RNFT2: variants seen among roughly 807,000 people sequenced by gnomAD.
RNFT2 encodes the protein ring finger protein, transmembrane 2.
In RNFT2, 36 loss-of-function variants were observed where a neutral mutation model predicts 53.0. That is an observed-to-expected ratio of 0.68 (90% confidence interval 0.52 to 0.90). The LOEUF (loss-of-function observed/expected upper bound fraction) is 0.90, where lower values mean the gene tolerates loss of function less well. Ranked by LOEUF, RNFT2 falls within the 40% of genes least tolerant of loss-of-function variation. The pLI is 0.00. For synonymous variants in RNFT2, 260 were observed against 253.2 expected (o/e 1.03, Z -0.26); for missense variants, 514 against 585.6 (o/e 0.88, Z 1.26).
chr12:116,766,775 T>G (rs376208903), intron 5 of RNFT2, 39 bp from the exon 6 acceptor site: 53 of 1,474,290 alleles, frequency 3.6e-5, no homozygotes, highest in African/African-American at 8.3e-5. Context: ...TTCTGCCACA[T>G]GCACCTTTGA....
intron 7 of RNFT2, among the ~76,000 whole-genome samples, chr12:116,780,328 G>C (rs1022649040): frequency 6.6e-6 from 1 of 152,166 alleles, no homozygotes; most frequent in Non-Finnish European, 1.5e-5. Flanking sequence ...GAATGAAACT[G>C]TTCCACTTCA....
chr12:116,751,945 G>A (rs919799829), intron 4 of RNFT2, among the ~76,000 whole-genome samples: 4 of 150,860 alleles, frequency 2.7e-5, no homozygotes, highest in Non-Finnish European at 5.9e-5. Context: ...ACCACACCCG[G>A]CTTACTTATT....
chr12:116,806,738 C>T (rs1333947171), intron 7 of RNFT2, among the ~76,000 whole-genome samples: 5 of 147,086 alleles, frequency 3.4e-5, no homozygotes, highest in Admixed American at 1.3e-4. Flanking sequence ...TACAAGAGAC[C>T]CTCTCTCAAA....
chr12:116,829,067 G>T (rs1320898110), intron 7 of RNFT2, among the ~76,000 whole-genome samples: 2 of 152,132 alleles, frequency 1.3e-5, no homozygotes, highest in African/African-American at 4.8e-5. Flanking sequence ...TTAGTCCAGG[G>T]TAAGATGGAA....
At chr12:116,780,670 C>CAAAAA (rs534092869) in intron 7 of RNFT2, among the ~76,000 whole-genome samples, 1 of 100,174 alleles carries the variant, frequency 1.0e-5, no homozygotes, top group African/African-American at 3.1e-5. Context: ...GGCATAAAGA[C>CAAAAA]AAAAAAAAAA....
intron 5 of RNFT2, among the ~76,000 whole-genome samples, chr12:116,761,205 G>A (rs1872681003): frequency 6.6e-6 from 1 of 152,158 alleles, no homozygotes; most frequent in African/African-American, 2.4e-5. Flanking sequence ...CTGGAGTGCA[G>A]TGGCATGATC....
chr12:116,802,449 G>C (rs2137153113), intron 7 of RNFT2, among the ~76,000 whole-genome samples: 1 of 152,274 alleles, frequency 6.6e-6, no homozygotes, highest in African/African-American at 2.4e-5. Flanking sequence ...TACTGTGGCA[G>C]AGTTGAGGAA....
At chr12:116,830,373 G>C (rs993545859) in intron 7 of RNFT2, among the ~76,000 whole-genome samples, 1 of 151,986 alleles carries the variant, frequency 6.6e-6, no homozygotes, top group Non-Finnish European at 1.5e-5. Flanking sequence ...CTGCAGCCTC[G>C]AACTTCTGGG....
chr12:116,740,719 T>C, intron 2 of RNFT2, 198 bp downstream of exon 2: 1 of 646,444 alleles, frequency 1.5e-6, no homozygotes, highest in South Asian at 1.8e-5. Flanking sequence ...CTCCTGCCAG[T>C]CCGCTGCCCA....
rs767006824 is a variant in RNFT2 at position 116,852,679 on chromosome 12, G to T, written c.*3231G>T. 1 of 1,614,040 alleles carries T rather than the reference G, an allele frequency of 6.2e-7. No individual in the cohort carries two copies. Among genetic ancestry groups the T allele is most frequent in the Admixed American group, 1.7e-5 (1 of 60,024 alleles). On this transcript the variant is annotated 3_prime_UTR_variant, in exon 11 of 11. Coordinates refer to ENST00000257575, the MANE Select transcript of RNFT2 (RefSeq NM_001382266.1). ...TGTTGAAGGGGCACAAGAAATTGGAGCTGGAGAAGATTGATGAAAGTGCAG... is the reference window on the plus strand; with the variant it reads ...TGTTGAAGGGGCACAAGAAATTGGATCTGGAGAAGATTGATGAAAGTGCAG...
chr12:116,766,398 T>C (rs1461836265), intron 5 of RNFT2, among the ~76,000 whole-genome samples: 3 of 152,254 alleles, frequency 2.0e-5, no homozygotes, highest in Non-Finnish European at 2.9e-5. Flanking sequence ...CAGCATTTTA[T>C]GTACTTTAAT....
intron 5 of RNFT2, among the ~76,000 whole-genome samples, chr12:116,757,396 C>T (rs1391777269): frequency 1.3e-5 from 2 of 151,962 alleles, no homozygotes; most frequent in Admixed American, 1.3e-4. Flanking sequence ...TTCTCTAGTT[C>T]CTTGAGGGGT....
rs76442689 is a variant in RNFT2 at position 116,816,669 on chromosome 12, A to G, written c.883-17123A>G. On this transcript the variant is annotated intron_variant, in intron 7 of 10. Coordinates refer to ENST00000257575, the MANE Select transcript of RNFT2 (RefSeq NM_001382266.1). The stretch of plus-strand genomic sequence containing the variant: ...CATCTGAGCTCTATAAGCTTAGGCA[A>G]AATGGTGAACTTCTCTGAAACTGAG... Among the ~76,000 whole-genome samples, 1,923 of 152,314 alleles carry G rather than the reference A, an allele frequency of 0.013. 94 individuals are homozygous for G. In the East Asian group the frequency reaches 0.13, roughly 10 times the overall value.
At chr12:116,847,299 T>G (rs1055520120) in intron 10 of RNFT2, among the ~76,000 whole-genome samples, 2 of 152,172 alleles carry the variant, frequency 1.3e-5, no homozygotes, top group African/African-American at 4.8e-5. Flanking sequence ...CCTTTATAGC[T>G]GGCATTTTTT....
intron 7 of RNFT2, among the ~76,000 whole-genome samples, chr12:116,814,771 T>TTGAACCCAG (rs1875563644): frequency 6.6e-6 from 1 of 152,010 alleles, no homozygotes; most frequent in Admixed American, 6.6e-5. Context: ...CTCTGCCTCC[T>TTGAACCCAG]GGGTTCAAGT....
rs916556820 is a variant in RNFT2 at position 116,850,064 on chromosome 12, C to G, written c.*616C>G. 2 of 151,276 alleles carry G rather than the reference C, an allele frequency of 1.3e-5. No homozygotes were observed. Among genetic ancestry groups the G allele is most frequent in the Non-Finnish European group, 2.9e-5 (2 of 67,960 alleles). The allele number at this position is 151,276 out of a possible 1,614,324, so 9.4% of individuals were successfully genotyped here. A position where few individuals can be genotyped will look rare whatever the true frequency, so the allele number is the denominator to read the frequency against. On this transcript the variant is annotated 3_prime_UTR_variant, in exon 11 of 11. Coordinates refer to ENST00000257575, the MANE Select transcript of RNFT2 (RefSeq NM_001382266.1). ...TTTGCCATGTTGGCCAGGCTGGTCTCCAACTCTTGACCTCAAATGATCAGC... is the reference window on the plus strand; with the variant it reads ...TTTGCCATGTTGGCCAGGCTGGTCTGCAACTCTTGACCTCAAATGATCAGC...
At chr12:116,832,457 C>T (rs1299294152) in intron 7 of RNFT2, among the ~76,000 whole-genome samples, 1 of 152,134 alleles carries the variant, frequency 6.6e-6, no homozygotes, top group Non-Finnish European at 1.5e-5. Flanking sequence ...TTTGTTTATC[C>T]GTTCTTCCAT....
intron 4 of RNFT2, among the ~76,000 whole-genome samples, chr12:116,751,100 G>A (rs1402361840): frequency 1.3e-5 from 2 of 150,398 alleles, no homozygotes; most frequent in Non-Finnish European, 3.0e-5. Flanking sequence ...TTTTTTCATA[G>A]AGTCGAAGTC....
intron 6 of RNFT2, among the ~76,000 whole-genome samples, chr12:116,777,291 A>AT (rs1873475571): frequency 6.6e-6 from 1 of 152,166 alleles, no homozygotes; most frequent in African/African-American, 2.4e-5. Flanking sequence ...CATATAAAAT[A>AT]TACAGAGCAG....
Sources: allele counts gnomAD v4.1 joint callset (sites outside exome capture counted in the v4.1 genomes callset), GRCh38; gene constraint gnomAD v4.1.1; transcripts MANE v1.5; gene names NCBI Gene and HGNC (gene_info 2026-07-23, HGNC 2026-07-21).